GTF3C1: variants seen among roughly 807,000 people sequenced by gnomAD.
GTF3C1 encodes the protein general transcription factor IIIC subunit 1, also known as general transcription factor 3C polypeptide 1.
In GTF3C1, 57 loss-of-function variants were observed where a neutral mutation model predicts 226.7. That is an observed-to-expected ratio of 0.25 (90% CI 0.20 to 0.31). The LOEUF (loss-of-function observed/expected upper bound fraction) is 0.31. Among genes scored for constraint, GTF3C1 ranks in the 10% least tolerant of loss-of-function variants. The pLI, the probability that GTF3C1 is intolerant of heterozygous loss-of-function variation, is 1.00. For missense variants in GTF3C1, 2,217 were observed against 2,776.1 expected (o/e 0.80, Z 4.53); for synonymous variants, 1,090 against 1,084.8 (o/e 1.00, Z -0.09).
At chr16:27,467,224 A>T (rs79189099) in intron 32 of GTF3C1, among the ~76,000 whole-genome samples, 32 of 152,356 alleles carry the variant, frequency 2.1e-4, no homozygotes, top group Non-Finnish European at 4.0e-4. Context: ...GCAGCTGGTG[A>T]CTTTAAGTTG....
At chr16:27,495,050 T>C (rs2088295105) in intron 15 of GTF3C1, 142 bp from the exon 16 acceptor site, 1 of 892,154 alleles carries the variant, frequency 1.1e-6, no homozygotes, top group Non-Finnish European at 1.7e-6. Context: ...GGAAGGAAGA[T>C]GAGGAAGAAA....
In GTF3C1 at chr16:27,528,682, T is replaced by G. The variant is rs763862136; in HGVS notation, c.889A>C (p.Met297Leu). 2 of 1,613,376 alleles carry G rather than the reference T, an allele frequency of 1.2e-6. No homozygotes were observed. Among genetic ancestry groups the G allele is most frequent in the Non-Finnish European group, 1.7e-6 (2 of 1,179,286 alleles). The change falls in exon 6 of 37, where the codon ATG (methionine) becomes CTG (leucine). Residue 297 changes from methionine to leucine, a missense_variant. Coordinates refer to ENST00000356183, the MANE Select transcript of GTF3C1 (RefSeq NM_001520.4). ...ACCTTGGCTAGCCCGGCGTTCAGCA[T>G]ATACTGGTACAGACGCTTAAACGTC... ...ERTFKRLYQY[M>L]LNAGLAKVVS...
intron 6 of GTF3C1, among the ~76,000 whole-genome samples, chr16:27,528,064 A>T (rs1332847388): frequency 6.6e-6 from 1 of 152,138 alleles, no homozygotes; most frequent in African/African-American, 2.4e-5. Flanking sequence ...ACCTGAGGTC[A>T]GGAGTTCAAG....
At chr16:27,516,900 A>C (rs2088667236) in intron 6 of GTF3C1, among the ~76,000 whole-genome samples, 1 of 152,046 alleles carries the variant, frequency 6.6e-6, no homozygotes, top group African/African-American at 2.4e-5. Context: ...CCCAAAGTAG[A>C]GGGTTATAGT....
intron 32 of GTF3C1, among the ~76,000 whole-genome samples, chr16:27,467,875 A>T (rs1045291488): frequency 6.6e-6 from 1 of 152,010 alleles, no homozygotes; most frequent in African/African-American, 2.4e-5. Flanking sequence ...TGTCTCAAAG[A>T]AAAAAAAGAA....
At chr16:27,546,378 CCT>C (rs2089162334) in intron 1 of GTF3C1, among the ~76,000 whole-genome samples, 1 of 151,840 alleles carries the variant, frequency 6.6e-6, no homozygotes, top group Admixed American at 6.6e-5. Context: ...CCTTCTTTCC[CCT>C]CTTACTACCG....
Position 27,462,233 on chromosome 16 carries a change from C to A in GTF3C1, c.6117+61G>T. Reference sequence around the variant, plus strand: ...GTTGCCTGGGGCCTGAACATCACAGCCGGGCCACTGAGTGCACCCAGCCGC... The same window carrying A: ...GTTGCCTGGGGCCTGAACATCACAGACGGGCCACTGAGTGCACCCAGCCGC... On this transcript the variant is annotated intron_variant, in intron 36 of 36. Coordinates refer to ENST00000356183, the MANE Select transcript of GTF3C1 (RefSeq NM_001520.4). This position sits in a 1 kb window ranked among gnomAD's most constrained non-coding sequence, Gnocchi z 4.5. The A allele has an allele frequency of 8.3e-7, 1 of 1,210,066 alleles. No individual in the cohort carries two copies. Among genetic ancestry groups the A allele is most frequent in the East Asian group, 2.5e-5 (1 of 39,280 alleles). The allele number at this position is 1,210,066 out of a possible 1,614,324, so 75.0% of individuals were successfully genotyped here.
chr16:27,528,500 A>T (rs569248765), intron 6 of GTF3C1, 98 bp downstream of exon 6: 3 of 933,886 alleles, frequency 3.2e-6, no homozygotes, highest in Non-Finnish European at 5.1e-6. Flanking sequence ...TCATTATGCC[A>T]CAAGGCAGAA....
At chr16:27,513,035 G>A (rs1012449802) in intron 6 of GTF3C1, among the ~76,000 whole-genome samples, 1 of 152,184 alleles carries the variant, frequency 6.6e-6, no homozygotes, top group South Asian at 2.1e-4. Flanking sequence ...ATGGCCAAAG[G>A]GACTTGGCAG....
At position 27,492,438 on chromosome 16, in the gene GTF3C1, G is replaced by A; in HGVS notation, c.3051C>T (p.Ser1017=). The A allele has an allele frequency of 6.2e-7, 1 of 1,611,798 alleles. No individual in the cohort carries two copies. The highest frequency in any genetic ancestry group is 1.3e-5 in the African/African-American group (1 of 75,000). The change falls in exon 19 of 37, where the codon AGC becomes AGT. Residue 1017 remains serine, a synonymous_variant. Transcript: ENST00000356183. The surrounding 1 kb of genome is among the most constrained non-coding windows in gnomAD (Gnocchi z 5.0). ...ICDPHYNLAR[S]SRPFERRLYV... ...AGAGGCGCCTCTCGAAGGGCCGGCT[G>A]CTGCGGGCCAGGTTGTAATGTGGGT...
chr16:27,494,411 A>AC (rs2088281401), intron 16 of GTF3C1, among the ~76,000 whole-genome samples: 1 of 147,598 alleles, frequency 6.8e-6, no homozygotes. Flanking sequence ...ATAAAAAAAA[A>AC]ACAAAAAAAA....
chr16:27,495,135 G>C (rs939149204), intron 15 of GTF3C1, 76 bp downstream of exon 15: 2 of 1,120,262 alleles, frequency 1.8e-6, no homozygotes, highest in Non-Finnish European at 2.6e-6. Flanking sequence ...TAAGGAAAAG[G>C]AACTATCATG....
Position 27,470,224 on chromosome 16 carries a change from T to G in GTF3C1, c.4698A>C (p.Gly1566=). Residue 1566 remains glycine (G), a synonymous_variant, in exon 31 of 37, where the codon GGA becomes GGC. Transcript: ENST00000356183. This position sits in a 1 kb window ranked among gnomAD's most constrained non-coding sequence, Gnocchi z 4.9. Reference sequence around the variant, plus strand: ...AGAGGGTCAGGACGGCCACACAATTTCCTCCAGGGCCGTCCAGTGAAAAGG... The same window carrying G: ...AGAGGGTCAGGACGGCCACACAATTGCCTCCAGGGCCGTCCAGTGAAAAGG... ...MVAFSLDGPG[G]NCVAVLTLFS... The G allele has an allele frequency of 6.2e-7, 1 of 1,613,434 alleles. No individual in the cohort carries two copies. The highest frequency in any genetic ancestry group is 8.5e-7 in the Non-Finnish European group (1 of 1,179,404).
chr16:27,462,339 G>C lies in GTF3C1; in HGVS notation c.6072C>G (p.His2024Gln). 1 of 1,570,886 alleles carries C rather than the reference G, an allele frequency of 6.4e-7. No homozygotes were observed. Among genetic ancestry groups the C allele is most frequent in the Non-Finnish European group, 8.6e-7 (1 of 1,158,238 alleles). ...CGACGGGCTGCAGGACCCCCTGGTA[G>C]TGGCGCAGCAGGGAGCTCTCGGGGA... Reference protein sequence around the residue: ...PGIPESSLLRHYQGVLQPVAV... With the variant: ...PGIPESSLLRQYQGVLQPVAV... The change falls in exon 36 of 37, where the codon CAC (histidine) becomes CAG (glutamine). Residue 2024 changes from histidine to glutamine, a missense_variant. Physicochemically the swap from His to Gln is conservative, Grantham distance 24. This residue lies in a region of GTF3C1 where 153 missense variants were observed against 199.8 expected (regional missense o/e 0.77). Transcript: ENST00000356183. This position sits in a 1 kb window ranked among gnomAD's most constrained non-coding sequence, Gnocchi z 4.5.
At chr16:27,512,851 T>C (rs1372752318) in intron 6 of GTF3C1, among the ~76,000 whole-genome samples, 2 of 152,186 alleles carry the variant, frequency 1.3e-5, no homozygotes, top group African/African-American at 2.4e-5. Context: ...GTTGAATAAC[T>C]TGTCCAAGCT....
In GTF3C1 at chr16:27,495,290, C is replaced by T. The variant is rs538177029; in HGVS notation, c.2553G>A (p.Glu851=). Residue 851 remains glutamate (E), a synonymous_variant, in exon 15 of 37, where the codon GAG becomes GAA. Coordinates refer to ENST00000356183, the MANE Select transcript of GTF3C1 (RefSeq NM_001520.4). ...CTTTAGATGGGGCTTCAGAGCAGGC[C>T]TCCCAGGCACTTCCAGAGGAGGACG... is the stretch of plus-strand genomic sequence containing the variant. The part of the protein sequence containing the change: ...VRPSSSGSAW[E]ACSEAPSKGS... 1.3e-5 allele frequency: 21 copies of T among 1,613,452 alleles called. No individual in the cohort carries two copies. In the South Asian group the frequency reaches 2.2e-4, roughly 17 times the overall value.
chr16:27,480,798 T>C, intron 27 of GTF3C1: 1 of 395,698 alleles, frequency 2.5e-6, no homozygotes, highest in Non-Finnish European at 4.6e-6. Flanking sequence ...TACATAGGAA[T>C]TTCCTCAAAG....
intron 32 of GTF3C1, among the ~76,000 whole-genome samples, chr16:27,467,833 G>A (rs923260523): frequency 1.3e-5 from 2 of 152,048 alleles, no homozygotes; most frequent in African/African-American, 4.8e-5. Flanking sequence ...TCATGCCGCC[G>A]CACTCCAGTC....
chr16:27,467,478 A>C (rs866874155), intron 32 of GTF3C1, among the ~76,000 whole-genome samples: 2 of 152,226 alleles, frequency 1.3e-5, no homozygotes, highest in African/African-American at 2.4e-5. Flanking sequence ...GGAGATGTTC[A>C]AGGAGATGAA....
Sources: gnomAD v4.1 joint callset for allele counts (sites outside exome capture counted in the v4.1 genomes callset) on GRCh38, gnomAD v4.1.1 for gene constraint, gnomAD v4.1.1 regional missense constraint, Gnocchi (gnomAD v3.1) non-coding constraint, MANE v1.5 for transcripts, NCBI Gene and HGNC (gene_info 2026-07-23, HGNC 2026-07-21) for gene names.